Variants in CCND3 observed in about 807,000 individuals in gnomAD.
CCND3 encodes G1/S-specific cyclin-D3.
Under a neutral mutation model 28.7 loss-of-function variants are expected in CCND3, and 9 were observed. The ratio of observed to expected loss-of-function variants is 0.31; its 90% CI spans 0.19 to 0.55. The LOEUF (loss-of-function observed/expected upper bound fraction) is 0.55. Among genes scored for constraint, CCND3 ranks in the 20% least tolerant of loss-of-function variants. CCND3 has a pLI of 0.93. For missense variants in CCND3, 315 were observed against 385.8 expected, an observed-to-expected ratio of 0.82 and a Z score of 1.54; for synonymous variants, 164 against 163.9, an observed-to-expected ratio of 1.00 and a Z score of 0.00.
chr6:41,964,486 A>ATGTGTGTGTGTGTGAGTG (rs57170949), intron 1 of CCND3, among the ~76,000 whole-genome samples: 1 of 103,132 alleles, frequency 9.7e-6, no homozygotes, highest in African/African-American at 3.8e-5. Flanking sequence ...GTGTGTGTGA[A>ATGTGTGTGTGTGTGAGTG]TGTGTGTGTG....
intron 1 of CCND3, among the ~76,000 whole-genome samples, chr6:41,984,492 G>A (rs867710577): frequency 2.6e-5 from 4 of 152,072 alleles, no homozygotes; most frequent in East Asian, 3.9e-4. Context: ...GATTACAGGC[G>A]CCTGCCACTA....
At chr6:41,942,515 C>G (rs1316850913), upstream of CCND3, among the ~76,000 whole-genome samples, 1 of 151,982 alleles carries the variant, frequency 6.6e-6, no homozygotes, top group African/African-American at 2.4e-5. Context: ...TATAACAGAA[C>G]GGAAAGGCCA....
At chr6:42,036,915 C>A (rs1764235979) in intron 1 of CCND3, among the ~76,000 whole-genome samples, 1 of 152,058 alleles carries the variant, frequency 6.6e-6, no homozygotes, top group South Asian at 2.1e-4. Flanking sequence ...TAAAAAAATA[C>A]AATGCTTATG....
intron 1 of CCND3, among the ~76,000 whole-genome samples, chr6:41,983,104 G>GGC (rs1762393982): frequency 6.6e-6 from 1 of 152,194 alleles, no homozygotes; most frequent in African/African-American, 2.4e-5. Context: ...TTGGCCGGGT[G>GGC]CAGTGGCTTA....
chr6:42,000,668 A>C (rs1762981396), intron 1 of CCND3, among the ~76,000 whole-genome samples: 1 of 134,928 alleles, frequency 7.4e-6, no homozygotes, highest in Admixed American at 8.7e-5. Context: ...CCCAGGTTCA[A>C]GCGATTCCCC....
chr6:41,960,174 C>T (rs1382441780), intron 1 of CCND3, among the ~76,000 whole-genome samples: 1 of 152,194 alleles, frequency 6.6e-6, no homozygotes, highest in East Asian at 1.9e-4. Flanking sequence ...TTTGGAACAT[C>T]CAGAACAGGC....
rs897075093 is a variant in CCND3, at chr6:41,941,210, C to A, written c.198+242G>T. 1.4e-6 allele frequency: 2 copies of A among 1,435,506 alleles called. No individual in the cohort carries two copies. Among genetic ancestry groups the A allele is most frequent in the African/African-American group, 2.9e-5 (2 of 69,684 alleles). 88.9% of individuals were successfully genotyped at this position (1,435,506 alleles called of 1,614,324 possible). Reference sequence around the variant, plus strand: ...AGTGTCCTTGGTCCCGTTTGCTCGGCCCGAAGAGAGGCACAGTTAGGGTGC... The same window carrying A: ...AGTGTCCTTGGTCCCGTTTGCTCGGACCGAAGAGAGGCACAGTTAGGGTGC... On this transcript the variant is annotated intron_variant, in intron 1 of 4. Coordinates refer to ENST00000372991, the MANE Select transcript of CCND3 (RefSeq NM_001760.5). The surrounding 1 kb of genome is among the most constrained non-coding windows in gnomAD (Gnocchi z 6.1).
At chr6:42,017,042 C>T (rs961496558) in intron 1 of CCND3, among the ~76,000 whole-genome samples, 3 of 152,232 alleles carry the variant, frequency 2.0e-5, no homozygotes, top group Non-Finnish European at 4.4e-5. Context: ...GGCCTTGATA[C>T]AGCAGCATCT....
At position 41,993,925 on chromosome 6, in the gene CCND3, TAAAAAAAAAAAAAAAA is replaced by T. The variant is rs201027925; in HGVS notation, c.-45-53356_-45-53341del. 2.6e-3 allele frequency among the ~76,000 whole-genome samples: 318 copies of T among 121,170 alleles called. 9 individuals carry two copies. Among genetic ancestry groups the T allele is most frequent in the Middle Eastern group, 7.6e-3 (2 of 262 alleles). The allele number at this position is 121,170 out of a possible 152,430, so 79.5% of individuals were successfully genotyped here. The stretch of plus-strand genomic sequence containing the variant: ...GTGACAGAGCGACAGACTCTTGTCT[TAAAAAAAAAAAAAAAA>T]AAAAAAAAAAAAAAAAAAAAAGAGC... On this transcript the variant is annotated intron_variant, in intron 1 of 4. Transcript: ENST00000372988.
At chr6:41,989,413 C>T (rs1582137033) in intron 1 of CCND3, among the ~76,000 whole-genome samples, 1 of 130,742 alleles carries the variant, frequency 7.6e-6, no homozygotes, top group Non-Finnish European at 1.5e-5. Flanking sequence ...AAGATTGTGC[C>T]ATTGTACTCT....
At position 41,941,247 on chromosome 6, in the gene CCND3, C is replaced by T. The variant is rs994491447; in HGVS notation, c.198+205G>A. The T allele has an allele frequency of 1.4e-6, 2 of 1,432,844 alleles. No individual in the cohort carries two copies. The highest frequency in any genetic ancestry group is 2.9e-5 in the African/African-American group (2 of 69,412). 88.8% of individuals were successfully genotyped at this position (1,432,844 alleles called of 1,614,324 possible). ...CACAGTTAGGGTGCCAAGTGACTGGCAGTCACTGTCGGGAGGAGCCGATTA... is the reference window on the plus strand; with the variant it reads ...CACAGTTAGGGTGCCAAGTGACTGGTAGTCACTGTCGGGAGGAGCCGATTA... On this transcript the variant is annotated intron_variant, in intron 1 of 4. Coordinates refer to ENST00000372991, the MANE Select transcript of CCND3 (RefSeq NM_001760.5). This position sits in a 1 kb window ranked among gnomAD's most constrained non-coding sequence, Gnocchi z 6.1.
chr6:42,049,545 A>T (rs559520469), upstream of CCND3: 1 of 152,418 alleles, frequency 6.6e-6, no homozygotes, highest in East Asian at 1.9e-4. Flanking sequence ...AACACGGCGC[A>T]GCTAGAGGGG....
intron 1 of CCND3, among the ~76,000 whole-genome samples, chr6:42,044,105 G>C (rs1466864709): frequency 1.3e-5 from 2 of 152,274 alleles, no homozygotes; most frequent in Admixed American, 6.5e-5. Context: ...GGAAAGGACA[G>C]TCAGGAAGGG....
At chr6:41,946,624 A>AAAAAAAAAAAG (rs1776177605), upstream of CCND3, among the ~76,000 whole-genome samples, 1 of 146,056 alleles carries the variant, frequency 6.8e-6, no homozygotes, top group African/African-American at 2.6e-5. Flanking sequence ...AAAAAAAAAA[A>AAAAAAAAAAAG]GCAGTAAACC....
chr6:41,955,452 A>G (rs974965767), intron 1 of CCND3, among the ~76,000 whole-genome samples: 1 of 152,206 alleles, frequency 6.6e-6, no homozygotes, highest in African/African-American at 2.4e-5. Context: ...GGAAAATCAT[A>G]TGACTACATC....
At chr6:42,042,633 TA>T (rs1295860690) in intron 1 of CCND3, among the ~76,000 whole-genome samples, 1 of 152,196 alleles carries the variant, frequency 6.6e-6, no homozygotes, top group African/African-American at 2.4e-5. Context: ...GTGCTGGGAT[TA>T]CATGAATGAG....
At chr6:42,004,482 C>T (rs147625114) in intron 1 of CCND3, among the ~76,000 whole-genome samples, 3,544 of 152,216 alleles carry the variant, frequency 0.023, 54 homozygotes, top group South Asian at 0.067. Context: ...CCTGTAATCC[C>T]AGCACTTTGG....
At chr6:41,999,709 C>A (rs1172010123) in intron 1 of CCND3, among the ~76,000 whole-genome samples, 1 of 151,968 alleles carries the variant, frequency 6.6e-6, no homozygotes, top group Non-Finnish European at 1.5e-5. Context: ...AGCCTGTCAA[C>A]ATAGTGAGAC....
intron 1 of CCND3, among the ~76,000 whole-genome samples, chr6:41,980,445 A>T (rs1460968442): frequency 6.6e-6 from 1 of 152,100 alleles, no homozygotes; most frequent in African/African-American, 2.4e-5. Context: ...CTTACTGGAA[A>T]ATTCTAGCAA....
Sources: gnomAD v4.1 joint callset for allele counts (sites outside exome capture counted in the v4.1 genomes callset) on GRCh38, gnomAD v4.1.1 for gene constraint, Gnocchi (gnomAD v3.1) non-coding constraint, MANE v1.5 for transcripts, NCBI Gene and HGNC (gene_info 2026-07-23, HGNC 2026-07-21) for gene names.